Variants in SYN3 observed in about 807,000 individuals in gnomAD.
SYN3 encodes synapsin-3.
SYN3 carries 35 observed loss-of-function variants against 65.8 expected under a neutral mutation model. The ratio of observed to expected loss-of-function variants is 0.53; its 90% CI spans 0.41 to 0.70. The LOEUF (loss-of-function observed/expected upper bound fraction) is 0.70. Ranked by LOEUF, SYN3 falls within the 30% of genes least tolerant of loss-of-function variation. The pLI, the probability that SYN3 is intolerant of heterozygous loss-of-function variation, is 0.00. For missense variants in SYN3, 680 were observed against 749.0 expected (o/e 0.91, Z 1.08); for synonymous variants, 270 against 292.9 (o/e 0.92, Z 0.80).
In SYN3 at chr22:32,676,063, G is replaced by GGA. The variant is rs2060436562; in HGVS notation, c.712-79328_712-79327insTC. Among the ~76,000 whole-genome samples the GGA allele has an allele frequency of 1.5e-3, 225 of 152,014 alleles. 2 individuals are homozygous for GGA. Among genetic ancestry groups the GGA allele is most frequent in the Middle Eastern group, 6.8e-3 (2 of 292 alleles). On this transcript the variant is annotated intron_variant, in intron 6 of 13. Coordinates refer to ENST00000358763, the MANE Select transcript of SYN3 (RefSeq NM_003490.4). ...TTCCAGCCCCAGGATGAACTCTGAGGATGAAGACTACCTGAAAGGTATCTC... is the reference window on the plus strand; with the variant it reads ...TTCCAGCCCCAGGATGAACTCTGAGGGAATGAAGACTACCTGAAAGGTATCTC...
chr22:32,583,651 CG>C (rs563264519), intron 7 of SYN3, among the ~76,000 whole-genome samples: 65 of 152,304 alleles, frequency 4.3e-4, no homozygotes, highest in Non-Finnish European at 7.5e-4. Flanking sequence ...ATCATTGAAA[CG>C]GTCCTCACAG....
intron 6 of SYN3, among the ~76,000 whole-genome samples, chr22:32,654,260 G>T (rs976512781): frequency 6.6e-6 from 1 of 152,098 alleles, no homozygotes; most frequent in African/African-American, 2.4e-5. Context: ...TCAGTTCCTT[G>T]GTCCTGGCAG....
chr22:32,533,926 G>C, intron 9 of SYN3, 31 bp from the exon 10 acceptor site: 1 of 1,538,842 alleles, frequency 6.5e-7, no homozygotes, highest in Non-Finnish European at 9.0e-7. Context: ...ACAGTGAAGT[G>C]GCCTGGGAAA....
chr22:32,614,374 A>G (rs1329412051), intron 6 of SYN3, among the ~76,000 whole-genome samples: 1 of 152,238 alleles, frequency 6.6e-6, no homozygotes, highest in Non-Finnish European at 1.5e-5. Flanking sequence ...GAGATGGACA[A>G]GGGTCACTCC....
chr22:32,521,275 G>C (rs2146092776), intron 12 of SYN3, among the ~76,000 whole-genome samples: 2 of 152,182 alleles, frequency 1.3e-5, no homozygotes, highest in Non-Finnish European at 2.9e-5. Context: ...TGAGGAGTAG[G>C]GCTGGAGGCA....
intron 1 of SYN3, among the ~76,000 whole-genome samples, chr22:33,053,680 T>C (rs2054208478): frequency 6.6e-6 from 1 of 152,156 alleles, no homozygotes; most frequent in African/African-American, 2.4e-5. Context: ...TCTGCTTCTG[T>C]TACAAATTCA....
chr22:32,676,343 G>A (rs2060440881), intron 6 of SYN3, among the ~76,000 whole-genome samples: 1 of 152,072 alleles, frequency 6.6e-6, no homozygotes, highest in Non-Finnish European at 1.5e-5. Context: ...CAGACAGCTT[G>A]GCACCAGCAA....
intron 1 of SYN3, among the ~76,000 whole-genome samples, chr22:33,032,433 A>G (rs2053771552): frequency 6.6e-6 from 1 of 152,052 alleles, no homozygotes; most frequent in Non-Finnish European, 1.5e-5. Flanking sequence ...TGAACCTGAG[A>G]GACGAAGGTT....
intron 6 of SYN3, among the ~76,000 whole-genome samples, chr22:32,713,761 G>A (rs551909258): frequency 5.8e-4 from 88 of 151,502 alleles, no homozygotes; most frequent in Middle Eastern, 6.9e-3. Flanking sequence ...AACCCGGGAG[G>A]CAACGCTTGC....
intron 3 of SYN3, among the ~76,000 whole-genome samples, chr22:32,972,777 G>C (rs1381995247): frequency 6.6e-6 from 1 of 152,034 alleles, no homozygotes; most frequent in African/African-American, 2.4e-5. Flanking sequence ...AGGATTGCTT[G>C]AGCCCAGGAG....
intron 4 of SYN3, among the ~76,000 whole-genome samples, chr22:32,914,324 TTTAAA>T (rs1313109574): frequency 6.6e-6 from 1 of 152,226 alleles, no homozygotes; most frequent in Non-Finnish European, 1.5e-5. Flanking sequence ...CCAGCCTGGA[TTTAAA>T]TTCTGGCTTC....
intron 6 of SYN3, among the ~76,000 whole-genome samples, chr22:32,771,883 C>T (rs2413151): frequency 0.78 from 119,309 of 152,148 alleles, 47,623 homozygotes; most frequent in African/African-American, 0.94. Flanking sequence ...TCTCTTCCAA[C>T]GGTCAAAATT....
intron 4 of SYN3, among the ~76,000 whole-genome samples, chr22:32,901,242 G>T (rs1316623748): frequency 6.6e-6 from 1 of 152,236 alleles, no homozygotes; most frequent in Non-Finnish European, 1.5e-5. Context: ...CTGGAAAACA[G>T]GCTTTGGAGC....
chr22:32,818,615 G>A (rs932448496), intron 6 of SYN3, among the ~76,000 whole-genome samples: 2 of 152,138 alleles, frequency 1.3e-5, no homozygotes, highest in Admixed American at 6.5e-5. Flanking sequence ...TGTGTTTGCC[G>A]CCACCCCATT....
intron 7 of SYN3, among the ~76,000 whole-genome samples, chr22:32,555,745 G>A (rs973088805): frequency 3.3e-5 from 5 of 152,086 alleles, no homozygotes; most frequent in East Asian, 1.9e-4. Flanking sequence ...ACCATAACCC[G>A]GGCACACAAA....
chr22:32,710,632 C>CAAAAAAAAAAAAA (rs57427060), intron 6 of SYN3, among the ~76,000 whole-genome samples: 22 of 74,910 alleles, frequency 2.9e-4, no homozygotes, highest in South Asian at 9.0e-4. Flanking sequence ...GACTCTGTCT[C>CAAAAAAAAAAAAA]AAAAAAAAAA....
At chr22:32,957,121 T>C (rs1324962776) in intron 3 of SYN3, among the ~76,000 whole-genome samples, 1 of 152,136 alleles carries the variant, frequency 6.6e-6, no homozygotes, top group South Asian at 2.1e-4. Context: ...GAGAGATGGT[T>C]TTCTACCCAC....
chr22:33,003,819 T>G (rs904921653), intron 2 of SYN3, among the ~76,000 whole-genome samples: 7 of 152,172 alleles, frequency 4.6e-5, no homozygotes, highest in African/African-American at 1.7e-4. Context: ...TCAGAGACCT[T>G]GGGGGCAGCC....
At chr22:32,521,693 A>C (rs1050320922) in intron 12 of SYN3, among the ~76,000 whole-genome samples, 3 of 151,934 alleles carry the variant, frequency 2.0e-5, no homozygotes, top group African/African-American at 7.3e-5. Flanking sequence ...TGATTCGCCC[A>C]CCTCAGCCTC....
Sources: allele counts gnomAD v4.1 joint callset (sites outside exome capture counted in the v4.1 genomes callset), GRCh38; gene constraint gnomAD v4.1.1; transcripts MANE v1.5; gene names NCBI Gene and HGNC (gene_info 2026-07-23, HGNC 2026-07-21).